SGSM2: variants seen among roughly 807,000 people sequenced by gnomAD.
SGSM2 encodes small G protein signaling modulator 2, also known as RUN and TBC1 domain containing 1.
Under a neutral mutation model 126.6 loss-of-function variants are expected in SGSM2, and 89 were observed. That is an observed-to-expected ratio of 0.70 (90% CI 0.59 to 0.84). The LOEUF is 0.84. SGSM2 is among the 40% of genes least tolerant of loss of function. SGSM2 has a pLI of 0.00. For missense variants in SGSM2, 1,404 were observed against 1,416.6 expected (o/e 0.99, Z 0.14); for synonymous variants, 614 against 574.3 (o/e 1.07, Z -0.99).
intron 23 of SGSM2, 107 bp downstream of exon 23, chr17:2,379,310 C>T: frequency 3.8e-6 from 6 of 1,565,606 alleles, no homozygotes; most frequent in East Asian, 4.5e-5. Context: ...GGGGCCCTTC[C>T]CCAAAGGCCG....
chr17:2,354,332 G>A (rs2447105), intron 2 of SGSM2, among the ~76,000 whole-genome samples: 66,917 of 151,962 alleles, frequency 0.44, 15,079 homozygotes, highest in East Asian at 0.64. Flanking sequence ...ACAGGCGTGA[G>A]CCACCGCGCC....
In SGSM2 at chr17:2,337,803, G is replaced by C; in HGVS notation, c.57+58G>C. The C allele has an allele frequency of 7.3e-7, 1 of 1,370,336 alleles. No homozygotes were observed. Among genetic ancestry groups the C allele is most frequent in the Non-Finnish European group, 9.7e-7 (1 of 1,027,106 alleles). 84.9% of individuals were successfully genotyped at this position (1,370,336 alleles called of 1,614,324 possible). On this transcript the variant is annotated intron_variant, in intron 1 of 23. Transcript: ENST00000268989. This position sits in a 1 kb window ranked among gnomAD's most constrained non-coding sequence, Gnocchi z 5.1. ...CGCCCTGGCCCGCGCGGCCCAGGGGGCAGAAAGGTCCGCGCCCACCCCCCG... is the reference window on the plus strand; with the variant it reads ...CGCCCTGGCCCGCGCGGCCCAGGGGCCAGAAAGGTCCGCGCCCACCCCCCG...
In SGSM2 at chr17:2,365,222, T is replaced by C; in HGVS notation, c.1169T>C (p.Val390Ala). ...CTACCCCTCCTTCCACAGGGGAAAG[T>C]GTTCCCCAAGCTACGGAAACGAAGC... is the stretch of plus-strand genomic sequence containing the variant. ...PLWTQQGKGK[V>A]FPKLRKRSSI... is the part of the protein sequence containing the mutation. Residue 390 changes from valine to alanine, a missense_variant, in exon 11 of 24, where the codon GTG becomes GCG. Transcript: ENST00000268989. The C allele has an allele frequency of 6.2e-7, 1 of 1,611,602 alleles. No homozygotes were observed.
chr17:2,357,055 T>C (rs1441331183), intron 2 of SGSM2, among the ~76,000 whole-genome samples: 1 of 152,082 alleles, frequency 6.6e-6, no homozygotes, highest in Non-Finnish European at 1.5e-5. Flanking sequence ...TCAGCATCTG[T>C]GGTCTCCAGC....
In SGSM2 at chr17:2,371,526, G is replaced by A; in HGVS notation, c.1577+111G>A. ...GCACGACAGGGTGGCCTCTAGAGTGGGACAGATCTGGGTTCAAATTTCACT... is the reference window on the plus strand; with the variant it reads ...GCACGACAGGGTGGCCTCTAGAGTGAGACAGATCTGGGTTCAAATTTCACT... On this transcript the variant is annotated intron_variant, in intron 13 of 23. Transcript: ENST00000268989. 3 of 1,323,764 alleles carry A rather than the reference G, an allele frequency of 2.3e-6. No individual in the cohort carries two copies. In the East Asian group the frequency reaches 7.5e-5, roughly 33 times the overall value. 82.0% of individuals were successfully genotyped at this position (1,323,764 alleles called of 1,614,324 possible). A position where few individuals can be genotyped will look rare whatever the true frequency, so the allele number is the denominator to read the frequency against.
At chr17:2,375,443 CG>C in intron 17 of SGSM2, 48 bp from the exon 18 acceptor site, 1 of 1,544,434 alleles carries the variant, frequency 6.5e-7, no homozygotes, top group Non-Finnish European at 8.7e-7. Context: ...CGGTGGGCTG[CG>C]GGAAGGTGCT....
intron 17 of SGSM2, 82 bp downstream of exon 17, chr17:2,373,595 A>G (rs1342535032): frequency 7.0e-6 from 9 of 1,292,152 alleles, no homozygotes; most frequent in Middle Eastern, 2.0e-4. Context: ...CACCAGCCTG[A>G]CCTCTGGGAA....
intron 2 of SGSM2, 64 bp downstream of exon 2, chr17:2,343,684 A>G (rs2064472561): frequency 6.9e-7 from 1 of 1,458,418 alleles, no homozygotes; most frequent in Non-Finnish European, 9.6e-7. Context: ...GCCTGGGGCC[A>G]GGAAAAGATG....
At chr17:2,366,983 C>A in intron 11 of SGSM2, 2 of 375,510 alleles carry the variant, frequency 5.3e-6, no homozygotes, top group South Asian at 4.7e-5. Context: ...CCATCCCAGA[C>A]AGTCCCGGTC....
chr17:2,338,034 C>T (rs2064161429), intron 1 of SGSM2, among the ~76,000 whole-genome samples: 1 of 152,098 alleles, frequency 6.6e-6, no homozygotes, highest in African/African-American at 2.4e-5. Flanking sequence ...GGAGGGGTGG[C>T]GGCGATGGCG....
In SGSM2 at chr17:2,376,743, G is replaced by C. The variant is rs745356247; in HGVS notation, c.2620G>C (p.Glu874Gln). 3.1e-6 allele frequency: 5 copies of C among 1,613,892 alleles called. No homozygotes were observed. The highest frequency in any genetic ancestry group is 4.2e-6 in the Non-Finnish European group (5 of 1,180,022). ...CCCCCTGCCTTTCAGCTACGTGTGG[G>C]AGCACCTGGACGTGGGCTATGTGCA... ...LRDVMCSYVW[E>Q]HLDVGYVQGM... Residue 874 changes from glutamate (E) to glutamine (Q), a missense_variant, in exon 20 of 24, where the codon GAG (glutamate) becomes CAG (glutamine). Coordinates refer to ENST00000268989, the MANE Select transcript of SGSM2 (RefSeq NM_014853.3).
chr17:2,378,094 C>T lies in SGSM2; in HGVS notation c.2899+141C>T. On this transcript the variant is annotated intron_variant, in intron 22 of 23. Transcript: ENST00000268989. ...AACCTGCCAGAACCCTGGCCCCACC[C>T]AGCCCAGACTCATGAACTGTGGCTG... 3 of 563,270 alleles carry T rather than the reference C, an allele frequency of 5.3e-6. No individual in the cohort carries two copies. In the South Asian group the frequency reaches 5.8e-5, roughly 11 times the overall value. 34.9% of individuals were successfully genotyped at this position (563,270 alleles called of 1,614,324 possible).
intron 1 of SGSM2, among the ~76,000 whole-genome samples, chr17:2,340,677 C>T (rs560076591): frequency 3.3e-5 from 5 of 151,878 alleles, no homozygotes; most frequent in East Asian, 2.0e-4. Flanking sequence ...CTCCGCCTCC[C>T]GGGTTCACGC....
intron 2 of SGSM2, among the ~76,000 whole-genome samples, chr17:2,344,713 CAT>C (rs36016032): frequency 0.26 from 39,864 of 151,998 alleles, 5,446 homozygotes; most frequent in Admixed American, 0.36. Context: ...GAAGAAAAAA[CAT>C]GTGGGAGGGC....
chr17:2,357,652 G>A (rs1460605343), intron 2 of SGSM2, among the ~76,000 whole-genome samples: 1 of 151,908 alleles, frequency 6.6e-6, no homozygotes, highest in Non-Finnish European at 1.5e-5. Flanking sequence ...TGCCCACCAC[G>A]ACACCCGGCT....
intron 2 of SGSM2, among the ~76,000 whole-genome samples, chr17:2,354,323 C>T (rs2065001828): frequency 6.6e-6 from 1 of 152,218 alleles, no homozygotes; most frequent in South Asian, 2.1e-4. Flanking sequence ...GCTGGGATTA[C>T]AGGCGTGAGC....
rs1011582026 is a variant in SGSM2, at chr17:2,372,900, T to C, written c.1789-53T>C. 3.2e-6 allele frequency: 5 copies of C among 1,541,552 alleles called. No homozygotes were observed. The African/African-American group carries it at 6.9e-5, about 21-fold the overall frequency. On this transcript the variant is annotated intron_variant, in intron 15 of 23. Coordinates refer to ENST00000268989, the MANE Select transcript of SGSM2 (RefSeq NM_014853.3). This position sits in a 1 kb window ranked among gnomAD's most constrained non-coding sequence, Gnocchi z 6.0. ...CTCCGTGGGATGGGGCTCACCCAGCTGGGCCACGGTGACTGTGGAGGCTGC... is the reference window on the plus strand; with the variant it reads ...CTCCGTGGGATGGGGCTCACCCAGCCGGGCCACGGTGACTGTGGAGGCTGC...
At chr17:2,340,805 C>G (rs550831241) in intron 1 of SGSM2, among the ~76,000 whole-genome samples, 21 of 152,048 alleles carry the variant, frequency 1.4e-4, no homozygotes, top group Admixed American at 1.0e-3. Flanking sequence ...AGGATGGTCT[C>G]GATCTCCTGA....
intron 1 of SGSM2, among the ~76,000 whole-genome samples, chr17:2,342,384 A>G (rs1052249818): frequency 6.6e-6 from 1 of 152,024 alleles, no homozygotes; most frequent in Admixed American, 6.6e-5. Flanking sequence ...AGAACGCGCC[A>G]CTTCACTCCA....
Sources: gnomAD v4.1 joint callset for allele counts (sites outside exome capture counted in the v4.1 genomes callset) on GRCh38, gnomAD v4.1.1 for gene constraint, Gnocchi (gnomAD v3.1) non-coding constraint, MANE v1.5 for transcripts, NCBI Gene and HGNC (gene_info 2026-07-23, HGNC 2026-07-21) for gene names.